RPL37: variants seen among roughly 807,000 people sequenced by gnomAD.
RPL37 encodes the protein large ribosomal subunit protein eL37.
RPL37 carries 1 observed loss-of-function variant against 14.8 expected under a neutral mutation model. The observed-to-expected ratio is 0.07, with a 90% confidence interval of 0.02 to 0.32. The LOEUF (loss-of-function observed/expected upper bound fraction) is 0.32, where lower values mean the gene tolerates loss of function less well. Ranked by LOEUF, RPL37 falls within the 10% of genes least tolerant of loss-of-function variation. RPL37 has a pLI of 1.00. For missense variants in RPL37, 100 were observed against 128.3 expected, an observed-to-expected ratio of 0.78 and a Z score of 1.06; for synonymous variants, 53 against 45.8, an observed-to-expected ratio of 1.16 and a Z score of -0.63.
rs1010029580 is a variant in RPL37 at position 40,832,762 on chromosome 5, C to A, written c.225-189G>T. On this transcript the variant is annotated intron_variant, in intron 3 of 3. Transcript: ENST00000274242. ...AAATTCTTCACTTTGCTTAAAGATACCCATTTTCGGATATAGTTAACTGCA... is the reference window on the plus strand; with the variant it reads ...AAATTCTTCACTTTGCTTAAAGATAACCATTTTCGGATATAGTTAACTGCA... 1.7e-5 allele frequency: 12 copies of A among 715,910 alleles called. No individual in the cohort carries two copies. The African/African-American group carries it at 1.7e-4, about 10-fold the overall frequency. The allele number at this position is 715,910 out of a possible 1,614,324, so 44.3% of individuals were successfully genotyped here.
Position 40,827,249 on chromosome 5 carries a change from C to CCT in RPL37, c.*5253_*5254dup, listed in dbSNP as rs1308063794. On this transcript the variant is annotated 3_prime_UTR_variant, in exon 4 of 4. Coordinates refer to ENST00000274242, the MANE Select transcript of RPL37 (RefSeq NM_000997.5). ...GGAAGAACTACCCTATCTCCTCACTCCTCACCTTTTGTACCTCCAGTCTAC... is the reference window on the plus strand; with the variant it reads ...GGAAGAACTACCCTATCTCCTCACTCCTCTCACCTTTTGTACCTCCAGTCTAC... 6.6e-6 allele frequency: 1 copy of CCT among 152,174 alleles called. No individual in the cohort carries two copies. The highest frequency in any genetic ancestry group is 1.5e-5 in the Non-Finnish European group (1 of 68,058). The allele number at this position is 152,174 out of a possible 1,614,324, so 9.4% of individuals were successfully genotyped here. A position where few individuals can be genotyped will look rare whatever the true frequency, so the allele number is the denominator to read the frequency against.
intron 1 of RPL37, chr5:40,834,973 T>C: frequency 4.4e-6 from 3 of 677,160 alleles, no homozygotes; most frequent in South Asian, 1.8e-5. Flanking sequence ...AAGGACACAA[T>C]GCGGCTCTAG....
In RPL37 at chr5:40,834,966, G is replaced by C. The variant is rs143411022; in HGVS notation, c.3+217C>G. 2.3e-5 allele frequency: 15 copies of C among 663,142 alleles called. No individual in the cohort carries two copies. In the Admixed American group the frequency reaches 3.9e-4, roughly 17 times the overall value. The allele number at this position is 663,142 out of a possible 1,614,324, so 41.1% of individuals were successfully genotyped here. ...CTCCAAAGGTTGGACCGAGGCAAAG[G>C]ACACAATGCGGCTCTAGCACCACAA... is the stretch of plus-strand genomic sequence containing the variant. On this transcript the variant is annotated intron_variant, in intron 1 of 3. Coordinates refer to ENST00000274242, the MANE Select transcript of RPL37 (RefSeq NM_000997.5).
rs896724074 is a variant in RPL37, at chr5:40,828,947, ACT to A, written c.*3555_*3556del. 1 of 152,074 alleles carries A rather than the reference ACT, an allele frequency of 6.6e-6. No homozygotes were observed. Among genetic ancestry groups the A allele is most frequent in the African/African-American group, 2.4e-5 (1 of 41,388 alleles). The allele number at this position is 152,074 out of a possible 1,614,324, so 9.4% of individuals were successfully genotyped here. A position where few individuals can be genotyped will look rare whatever the true frequency, so the allele number is the denominator to read the frequency against. ...ACATCTCCCCAAATCTTACTTTGAG[ACT>A]CTAAATTATCTTTTTGTTTTTGGAG... On this transcript the variant is annotated 3_prime_UTR_variant, in exon 4 of 4. Transcript: ENST00000274242.
In RPL37 at chr5:40,826,647, G is replaced by C. The variant is rs368592376; in HGVS notation, c.*5857C>G. The stretch of plus-strand genomic sequence containing the variant: ...GCTGCCATGCGATCTCCCTGAAATT[G>C]TTTTTTTCAGGCCAGGGATGTGAGA... On this transcript the variant is annotated 3_prime_UTR_variant, in exon 4 of 4. Coordinates refer to ENST00000274242, the MANE Select transcript of RPL37 (RefSeq NM_000997.5). The C allele has an allele frequency of 6.6e-6, 1 of 152,180 alleles. No homozygotes were observed. Among genetic ancestry groups the C allele is most frequent in the Non-Finnish European group, 1.5e-5 (1 of 68,048 alleles). The allele number at this position is 152,180 out of a possible 1,614,324, so 9.4% of individuals were successfully genotyped here.
Position 40,832,410 on chromosome 5 carries a change from A to T in RPL37, c.*94T>A. On this transcript the variant is annotated 3_prime_UTR_variant, in exon 4 of 4. Transcript: ENST00000274242. ...CCTAAACCTACAGTATTTCACTGAT[A>T]CTACAAGCCTAATTGATTAAAAATA... 1 of 1,036,902 alleles carries T rather than the reference A, an allele frequency of 9.6e-7. No homozygotes were observed. Among genetic ancestry groups the T allele is most frequent in the Non-Finnish European group, 1.5e-6 (1 of 657,298 alleles). 64.2% of individuals were successfully genotyped at this position (1,036,902 alleles called of 1,614,324 possible).
At chr5:40,832,901 G>C (rs759406063) in intron 3 of RPL37, among the ~76,000 whole-genome samples, 19 of 152,288 alleles carry the variant, frequency 1.2e-4, no homozygotes, top group South Asian at 8.3e-4. Context: ...CCTATACTGA[G>C]AATAGATCCC....
chr5:40,835,050 G>A, intron 1 of RPL37, 133 bp downstream of exon 1: 10 of 1,225,118 alleles, frequency 8.2e-6, no homozygotes, highest in Admixed American at 1.9e-5. Flanking sequence ...GCTCTTGAGG[G>A]CCACCGCATG....
rs1051151337 is a variant in RPL37, at chr5:40,830,139, G to A, written c.*2365C>T. The A allele has an allele frequency of 6.6e-6, 1 of 152,128 alleles. No homozygotes were observed. Among genetic ancestry groups the A allele is most frequent in the African/African-American group, 2.4e-5 (1 of 41,384 alleles). 9.4% of individuals were successfully genotyped at this position (152,128 alleles called of 1,614,324 possible). A position where few individuals can be genotyped will look rare whatever the true frequency, so the allele number is the denominator to read the frequency against. On this transcript the variant is annotated 3_prime_UTR_variant, in exon 4 of 4. Transcript: ENST00000274242. ...AGGGAGGCTTTTCAGGCAGAGGACA[G>A]AGTTGAAAAGCAGATGGGGTACTTA...
intron 3 of RPL37, 143 bp from the exon 4 acceptor site, chr5:40,832,716 TACA>T (rs771735927): frequency 2.5e-5 from 19 of 773,150 alleles, no homozygotes; most frequent in Admixed American, 1.9e-4. Flanking sequence ...CATTTATTTT[TACA>T]ACATCACTGA....
chr5:40,833,548 C>T (rs1159580421), intron 3 of RPL37, among the ~76,000 whole-genome samples: 1 of 152,164 alleles, frequency 6.6e-6, no homozygotes, highest in African/African-American at 2.4e-5. Context: ...GAGCCCAAGG[C>T]AACAGCAGCA....
Position 40,827,371 on chromosome 5 carries a change from GC to G in RPL37, c.*5132del, listed in dbSNP as rs1745540471. On this transcript the variant is annotated 3_prime_UTR_variant, in exon 4 of 4. Coordinates refer to ENST00000274242, the MANE Select transcript of RPL37 (RefSeq NM_000997.5). ...GAATCGTGCCCTCCACTGCCAGCTT[GC>G]AGTTTAAAGCACACCCAAGCTATAA... 6.6e-6 allele frequency: 1 copy of G among 152,180 alleles called. No homozygotes were observed. Among genetic ancestry groups the G allele is most frequent in the Non-Finnish European group, 1.5e-5 (1 of 68,052 alleles). The allele number at this position is 152,180 out of a possible 1,614,324, so 9.4% of individuals were successfully genotyped here.
At chr5:40,835,160 CA>C in intron 1 of RPL37, 22 bp downstream of exon 1, 1 of 1,614,082 alleles carries the variant, frequency 6.2e-7, no homozygotes. Context: ...ACGCGATTCA[CA>C]AACACCACAG....
At chr5:40,834,874 TAC>T (rs1430674359) in intron 1 of RPL37, 1 of 606,262 alleles carries the variant, frequency 1.6e-6, no homozygotes. Flanking sequence ...ATTTCATTGT[TAC>T]ACAGAGCCAA....
Position 40,831,519 on chromosome 5 carries a change from TTATTC to T in RPL37, c.*980_*984del, listed in dbSNP as rs1745639522. 2 of 152,462 alleles carry T rather than the reference TTATTC, an allele frequency of 1.3e-5. No individual in the cohort carries two copies. Among genetic ancestry groups the T allele is most frequent in the East Asian group, 3.8e-4 (2 of 5,332 alleles). 9.4% of individuals were successfully genotyped at this position (152,462 alleles called of 1,614,324 possible). ...AAGGCCAGGTTAAGAACCTCAGATG[TTATTC>T]TAAACACAGTGGAGAATTATAATTT... On this transcript the variant is annotated 3_prime_UTR_variant, in exon 4 of 4. Coordinates refer to ENST00000274242, the MANE Select transcript of RPL37 (RefSeq NM_000997.5).
In RPL37 at chr5:40,834,461, T is replaced by C; in HGVS notation, c.139+10A>G. 6.2e-7 allele frequency: 1 copy of C among 1,609,964 alleles called. No homozygotes were observed. Among genetic ancestry groups the C allele is most frequent in the Non-Finnish European group, 8.5e-7 (1 of 1,178,942 alleles). ...AAGCTAACACAGTTGGCCTGAAAAA[T>C]GTTACTTACACTTTCTCTTGCGCTT... On this transcript the variant is annotated intron_variant, in intron 2 of 3. Transcript: ENST00000274242.
chr5:40,834,287 G>T lies in RPL37; in HGVS notation c.140-22C>A, dbSNP rs752741998. On this transcript the variant is annotated intron_variant, in intron 2 of 3. Coordinates refer to ENST00000274242, the MANE Select transcript of RPL37 (RefSeq NM_000997.5). ...TTATCTAAAACATAAGTTCAGAAAA[G>T]ATTTCAAACGGTGTTCTCCCACACA... 3.7e-6 allele frequency: 6 copies of T among 1,608,188 alleles called. No homozygotes were observed. In the Admixed American group the frequency reaches 1.0e-4, roughly 27 times the overall value.
In RPL37 at chr5:40,831,804, A is replaced by G. The variant is rs908408428; in HGVS notation, c.*700T>C. The G allele has an allele frequency of 1.3e-5, 2 of 152,400 alleles. No individual in the cohort carries two copies. The highest frequency in any genetic ancestry group is 4.8e-5 in the African/African-American group (2 of 41,466). 9.4% of individuals were successfully genotyped at this position (152,400 alleles called of 1,614,324 possible). A position where few individuals can be genotyped will look rare whatever the true frequency, so the allele number is the denominator to read the frequency against. Reference sequence around the variant, plus strand: ...AAAAAATTCGACCAAGTAGTCCCACATCATTGCCTTTAGTCTACAAATCTC... The same window carrying G: ...AAAAAATTCGACCAAGTAGTCCCACGTCATTGCCTTTAGTCTACAAATCTC... On this transcript the variant is annotated 3_prime_UTR_variant, in exon 4 of 4. Coordinates refer to ENST00000274242, the MANE Select transcript of RPL37 (RefSeq NM_000997.5).
chr5:40,831,629 T>TCA lies in RPL37; in HGVS notation c.*873_*874dup, dbSNP rs1239727202. On this transcript the variant is annotated 3_prime_UTR_variant, in exon 4 of 4. Transcript: ENST00000274242. ...GTTCCCTTCAACTGCCCCTGCCCTC[T>TCA]CACTCAGCAGTCCAGTTGACTTTGT... The TCA allele has an allele frequency of 2.6e-5, 4 of 152,280 alleles. No individual in the cohort carries two copies. Among genetic ancestry groups the TCA allele is most frequent in the Non-Finnish European group, 4.4e-5 (3 of 68,030 alleles). 9.4% of individuals were successfully genotyped at this position (152,280 alleles called of 1,614,324 possible). A position where few individuals can be genotyped will look rare whatever the true frequency, so the allele number is the denominator to read the frequency against.
Sources: allele counts gnomAD v4.1 joint callset (sites outside exome capture counted in the v4.1 genomes callset), GRCh38; gene constraint gnomAD v4.1.1; transcripts MANE v1.5; gene names NCBI Gene and HGNC (gene_info 2026-07-23, HGNC 2026-07-21).